Variants in SYT6 observed in about 807,000 individuals in gnomAD.
The protein encoded by SYT6 is synaptotagmin-6.
A neutral mutation model predicts 38.4 loss-of-function variants in SYT6; 24 were observed. The observed-to-expected ratio is 0.62, with a 90% CI of 0.45 to 0.88. The LOEUF (loss-of-function observed/expected upper bound fraction) is 0.88, where lower values mean the gene tolerates loss of function less well. SYT6 is among the 40% of genes least tolerant of loss of function. SYT6 has a pLI of 0.00. For missense variants in SYT6, 611 were observed against 621.0 expected, an observed-to-expected ratio of 0.98 and a Z score of 0.17; for synonymous variants, 265 against 241.9, an observed-to-expected ratio of 1.10 and a Z score of -0.89.
intron 3 of SYT6, among the ~76,000 whole-genome samples, chr1:114,116,781 G>A (rs1357823464): frequency 2.0e-5 from 3 of 152,278 alleles, no homozygotes. Flanking sequence ...ACCCCCGCCC[G>A]GAACTCAGGA....
At chr1:114,101,191 A>G (rs1247596208) in intron 4 of SYT6, among the ~76,000 whole-genome samples, 3 of 152,104 alleles carry the variant, frequency 2.0e-5, no homozygotes, top group Non-Finnish European at 4.4e-5. Context: ...CCTGGCTGAT[A>G]TGAAATTTAT....
intron 3 of SYT6, among the ~76,000 whole-genome samples, chr1:114,111,790 T>A (rs893710299): frequency 1.2e-4 from 8 of 65,080 alleles, no homozygotes; most frequent in Non-Finnish European, 3.1e-4. Context: ...GAGTGGAGAC[T>A]GACGCTCTGC....
intron 3 of SYT6, among the ~76,000 whole-genome samples, chr1:114,112,542 GAGA>G (rs1310430927): frequency 3.9e-5 from 6 of 152,222 alleles, no homozygotes; most frequent in Non-Finnish European, 5.9e-5. Flanking sequence ...AGTGAGGGTG[GAGA>G]AGAAGAGGGG....
chr1:114,148,954 A>G (rs960117876), intron 1 of SYT6, among the ~76,000 whole-genome samples: 13 of 152,080 alleles, frequency 8.5e-5, no homozygotes, highest in African/African-American at 3.1e-4. Flanking sequence ...CCCAGGCTGG[A>G]CAGAGAAGTT....
chr1:114,100,709 C>T (rs980439909), intron 4 of SYT6, among the ~76,000 whole-genome samples: 6 of 152,190 alleles, frequency 3.9e-5, no homozygotes, highest in Admixed American at 1.3e-4. Flanking sequence ...TTTTGAGAAC[C>T]GGCATGAGGC....
intron 6 of SYT6, 48 bp downstream of exon 6, chr1:114,097,679 C>T (rs768024052): frequency 9.4e-6 from 15 of 1,600,566 alleles, no homozygotes; most frequent in Non-Finnish European, 1.2e-5. Flanking sequence ...TTCTCCAGCC[C>T]ACACTGCCAT....
intron 4 of SYT6, among the ~76,000 whole-genome samples, chr1:114,100,586 A>G (rs891108617): frequency 1.2e-4 from 19 of 152,222 alleles, no homozygotes; most frequent in African/African-American, 4.6e-4. Flanking sequence ...AACCATGGGG[A>G]GATGAGGTTG....
chr1:114,131,356 C>T (rs930283999), intron 3 of SYT6, among the ~76,000 whole-genome samples: 3 of 152,232 alleles, frequency 2.0e-5, no homozygotes, highest in African/African-American at 7.2e-5. Context: ...CTGACTTCCT[C>T]TTTTATCATG....
Position 114,091,723 on chromosome 1 carries a change from C to T in SYT6, c.*411G>A, listed in dbSNP as rs1675309700. 1 of 285,294 alleles carries T rather than the reference C, an allele frequency of 3.5e-6. No homozygotes were observed. The highest frequency in any genetic ancestry group is 1.2e-4 in the South Asian group (1 of 8,090). 17.7% of individuals were successfully genotyped at this position (285,294 alleles called of 1,614,324 possible). On this transcript the variant is annotated 3_prime_UTR_variant, in exon 8 of 8. Transcript: ENST00000610222. ...TTTCTAGAACCAACTTCTGGGCTTT[C>T]CACCCTTTGTCTTTTCCTACTCTTT... is the stretch of plus-strand genomic sequence containing the variant.
At chr1:114,103,012 T>A (rs1159720523) in intron 4 of SYT6, among the ~76,000 whole-genome samples, 1 of 152,258 alleles carries the variant, frequency 6.6e-6, no homozygotes, top group Non-Finnish European at 1.5e-5. Context: ...TAAGACTATA[T>A]TTCTATGTTC....
chr1:114,125,592 G>A (rs528898095), intron 3 of SYT6, among the ~76,000 whole-genome samples: 1 of 152,262 alleles, frequency 6.6e-6, no homozygotes, highest in African/African-American at 2.4e-5. Context: ...CAGTGGCGTG[G>A]GGGCTGGAGG....
chr1:114,099,339 G>T, intron 4 of SYT6, 74 bp from the exon 5 acceptor site: 1 of 1,494,722 alleles, frequency 6.7e-7, no homozygotes, highest in South Asian at 1.3e-5. Context: ...TTGCAGCAAA[G>T]GGACCGAAGC....
At chr1:114,102,519 C>A (rs1395368676) in intron 4 of SYT6, among the ~76,000 whole-genome samples, 1 of 152,202 alleles carries the variant, frequency 6.6e-6, no homozygotes, top group Non-Finnish European at 1.5e-5. Flanking sequence ...ACTGATTATA[C>A]CCAAGACTCA....
At chr1:114,116,290 A>G (rs1474432915) in intron 3 of SYT6, among the ~76,000 whole-genome samples, 1 of 152,094 alleles carries the variant, frequency 6.6e-6, no homozygotes, top group Non-Finnish European at 1.5e-5. Flanking sequence ...GGAGGGGGAG[A>G]AGCTAGGCCA....
chr1:114,148,439 G>T (rs565833281), intron 1 of SYT6, among the ~76,000 whole-genome samples: 1 of 152,164 alleles, frequency 6.6e-6, no homozygotes, highest in South Asian at 2.1e-4. Context: ...TGGCTTCAGG[G>T]CCTGGAATTG....
intron 4 of SYT6, among the ~76,000 whole-genome samples, chr1:114,099,652 T>C (rs1675846596): frequency 6.6e-6 from 1 of 152,210 alleles, no homozygotes; most frequent in African/African-American, 2.4e-5. Flanking sequence ...TTCTTTTACC[T>C]ATGTGGAGTA....
chr1:114,139,709 C>G lies in SYT6; in HGVS notation c.418G>C (p.Asp140His), dbSNP rs568010023. 6.2e-7 allele frequency: 1 copy of G among 1,614,168 alleles called. No homozygotes were observed. The highest frequency in any genetic ancestry group is 1.1e-5 in the South Asian group (1 of 91,082). The change falls in exon 2 of 8, where the codon GAT (aspartate) becomes CAT (histidine). Residue 140 changes from aspartate to histidine, a missense_variant. Asp to His is a moderately conservative substitution (Grantham distance 81). Transcript: ENST00000610222. ...AAVKISHTSP[D>H]IPAEVQMSVK... ...GACATCTGCACCTCAGCTGGGATATCTGGGGACGTGTGGCTGATCTTCACG... is the reference window on the plus strand; with the variant it reads ...GACATCTGCACCTCAGCTGGGATATGTGGGGACGTGTGGCTGATCTTCACG...
intron 3 of SYT6, among the ~76,000 whole-genome samples, chr1:114,124,133 AAT>A (rs1171396957): frequency 3.3e-5 from 5 of 152,210 alleles, no homozygotes; most frequent in Admixed American, 2.0e-4. Context: ...TATATAGGAA[AAT>A]GGCTTTACAA....
intron 1 of SYT6, among the ~76,000 whole-genome samples, chr1:114,149,100 A>T (rs1402220306): frequency 6.6e-6 from 1 of 151,876 alleles, no homozygotes; most frequent in East Asian, 1.9e-4. Context: ...CACCTGCCCC[A>T]TCTTCTTCCC....
Sources: allele counts gnomAD v4.1 joint callset (sites outside exome capture counted in the v4.1 genomes callset), GRCh38; gene constraint gnomAD v4.1.1; transcripts MANE v1.5; gene names NCBI Gene and HGNC (gene_info 2026-07-23, HGNC 2026-07-21).